Variants in SORCS3 observed in about 807,000 individuals in gnomAD.
The protein encoded by SORCS3 is VPS10 domain-containing receptor SorCS3.
SORCS3 carries 57 observed loss-of-function variants against 146.3 expected under a neutral mutation model. The observed-to-expected ratio is 0.39, with a 90% CI of 0.31 to 0.49. The LOEUF is 0.49. Ranked by LOEUF, SORCS3 falls within the 20% of genes least tolerant of loss-of-function variation. The pLI, the probability that SORCS3 is intolerant of heterozygous loss-of-function variation, is 0.92. For synonymous variants in SORCS3, 653 were observed against 618.5 expected (o/e 1.06, Z -0.83); for missense variants, 1,341 against 1,575.5 (o/e 0.85, Z 2.52).
intron 3 of SORCS3, among the ~76,000 whole-genome samples, chr10:104,952,395 T>C (rs965048087): frequency 6.6e-6 from 1 of 151,870 alleles, no homozygotes; most frequent in Non-Finnish European, 1.5e-5. Context: ...CTAAGCGTGT[T>C]AGAAGTGTAG....
chr10:105,221,122 A>G (rs1200466584), intron 19 of SORCS3, among the ~76,000 whole-genome samples: 2 of 152,132 alleles, frequency 1.3e-5, no homozygotes, highest in African/African-American at 4.8e-5. Context: ...ATATATATTT[A>G]TGGGGTACAT....
chr10:105,072,571 T>A (rs1353606700), intron 5 of SORCS3, among the ~76,000 whole-genome samples: 1 of 152,018 alleles, frequency 6.6e-6, no homozygotes, highest in African/African-American at 2.4e-5. Context: ...CATTTTGCCC[T>A]GTTTTCCAGG....
In SORCS3 at chr10:105,119,228, C is replaced by T. The variant is rs186536879; in HGVS notation, c.1212+13713C>T. 1.4e-4 allele frequency among the ~76,000 whole-genome samples: 21 copies of T among 152,268 alleles called. No homozygotes were observed. The East Asian group carries it at 1.5e-3, about 11-fold the overall frequency. On this transcript the variant is annotated intron_variant, in intron 7 of 26. Transcript: ENST00000369701. ...GCAAGTCTCAAGCCTTGGTGGCTAA[C>T]GTGAGATGCTGGCTCTATAGGTGCA... is the stretch of plus-strand genomic sequence containing the variant.
intron 22 of SORCS3, among the ~76,000 whole-genome samples, chr10:105,252,016 G>A (rs1258976265): frequency 6.6e-6 from 1 of 152,128 alleles, no homozygotes; most frequent in Admixed American, 6.5e-5. Flanking sequence ...TGGCATAATA[G>A]TCTATCAGGT....
chr10:105,182,406 ATG>A (rs1006856829), intron 14 of SORCS3, among the ~76,000 whole-genome samples: 13 of 152,118 alleles, frequency 8.5e-5, no homozygotes, highest in Middle Eastern at 3.4e-3. Context: ...AGAGCAAGGA[ATG>A]TGAATTTCAA....
chr10:104,990,684 G>A (rs1303737187), intron 4 of SORCS3, among the ~76,000 whole-genome samples: 1 of 152,078 alleles, frequency 6.6e-6, no homozygotes, highest in Non-Finnish European at 1.5e-5. Context: ...TTATCTTGAG[G>A]GACCCAATAT....
intron 1 of SORCS3, among the ~76,000 whole-genome samples, chr10:104,643,709 G>GGGGTGTGTGTGTGTGTGT (rs758845919): frequency 6.9e-6 from 1 of 144,638 alleles, no homozygotes; most frequent in Non-Finnish European, 1.5e-5. Flanking sequence ...TGATAATTAG[G>GGGGTGTGTGTGTGTGTGT]GTGTGTGTGT....
intron 4 of SORCS3, among the ~76,000 whole-genome samples, chr10:105,017,960 G>A (rs1050768436): frequency 1.3e-5 from 2 of 152,088 alleles, no homozygotes; most frequent in African/African-American, 2.4e-5. Context: ...TCTTTCTCTG[G>A]ACCTAGTTTC....
intron 1 of SORCS3, among the ~76,000 whole-genome samples, chr10:104,763,039 T>C (rs2017140294): frequency 6.6e-6 from 1 of 152,096 alleles, no homozygotes; most frequent in African/African-American, 2.4e-5. Context: ...CAGCCAGAAG[T>C]GAGAACTGCT....
At chr10:104,940,759 C>T (rs1315356649) in intron 3 of SORCS3, among the ~76,000 whole-genome samples, 2 of 152,096 alleles carry the variant, frequency 1.3e-5, no homozygotes, top group East Asian at 3.9e-4. Flanking sequence ...AATGGAAGAA[C>T]ATTCCATGCT....
At chr10:105,078,524 GA>G (rs1330101582) in intron 5 of SORCS3, among the ~76,000 whole-genome samples, 9 of 151,668 alleles carry the variant, frequency 5.9e-5, no homozygotes, top group African/African-American at 1.5e-4. Flanking sequence ...TGAAAAAAAA[GA>G]AAAAAAGATT....
intron 1 of SORCS3, among the ~76,000 whole-genome samples, chr10:104,650,795 G>C (rs1334031926): frequency 6.6e-6 from 1 of 152,154 alleles, no homozygotes; most frequent in Non-Finnish European, 1.5e-5. Context: ...CTGCACTCTG[G>C]GACATTGCGG....
Position 105,195,962 on chromosome 10 carries a change from G to T in SORCS3, c.2010-4037G>T, listed in dbSNP as rs550423275. 5.3e-5 allele frequency among the ~76,000 whole-genome samples: 8 copies of T among 152,310 alleles called. No homozygotes were observed. In the South Asian group the frequency reaches 1.7e-3, roughly 32 times the overall value. ...AGTTTACAGTATGGGGAAAGACCTG[G>T]GAAACACAATATAAGAAAATCTGGG... is the stretch of plus-strand genomic sequence containing the variant. On this transcript the variant is annotated intron_variant, in intron 14 of 26. Transcript: ENST00000369701.
chr10:105,010,068 C>A (rs2055124552), intron 4 of SORCS3, among the ~76,000 whole-genome samples: 1 of 152,132 alleles, frequency 6.6e-6, no homozygotes, highest in African/African-American at 2.4e-5. Context: ...TCTGGGGTGG[C>A]AGAAAGAGCA....
chr10:104,732,757 G>C (rs994811415), intron 1 of SORCS3, among the ~76,000 whole-genome samples: 1 of 152,186 alleles, frequency 6.6e-6, no homozygotes, highest in African/African-American at 2.4e-5. Flanking sequence ...ATGGGAAAGG[G>C]GTCTGCCACA....
chr10:104,807,151 C>G lies in SORCS3; in HGVS notation c.628-35641C>G, dbSNP rs114068021. Reference sequence around the variant, plus strand: ...TGTTGCTTTTAAGAAATGGTCTGCTCTTTATAATCTCTTCACTAAGCTCCT... The same window carrying G: ...TGTTGCTTTTAAGAAATGGTCTGCTGTTTATAATCTCTTCACTAAGCTCCT... On this transcript the variant is annotated intron_variant, in intron 1 of 26. Transcript: ENST00000369701. Among the ~76,000 whole-genome samples the G allele has an allele frequency of 5.0e-3, 667 of 134,210 alleles. 3 individuals are homozygous for G. The highest frequency in any genetic ancestry group is 0.016 in the African/African-American group (624 of 38,412). The allele number at this position is 134,210 out of a possible 152,430, so 88.0% of individuals were successfully genotyped here. A position where few individuals can be genotyped will look rare whatever the true frequency, so the allele number is the denominator to read the frequency against.
intron 3 of SORCS3, among the ~76,000 whole-genome samples, chr10:104,958,273 A>G (rs575259730): frequency 1.3e-5 from 2 of 152,168 alleles, no homozygotes; most frequent in South Asian, 2.1e-4. Context: ...TGAGTAGCCA[A>G]TTGTCAATAA....
intron 3 of SORCS3, among the ~76,000 whole-genome samples, chr10:104,939,516 C>T (rs1239893248): frequency 1.6e-5 from 2 of 122,800 alleles, no homozygotes; most frequent in Admixed American, 1.5e-4. Context: ...TTATGACAGT[C>T]CTTTTAAGAG....
At chr10:104,786,363 C>A (rs1468517021) in intron 1 of SORCS3, among the ~76,000 whole-genome samples, 2 of 151,262 alleles carry the variant, frequency 1.3e-5, no homozygotes, top group African/African-American at 4.9e-5. Context: ...ACCAACCTGG[C>A]TGACAAAACC....
Sources: gnomAD v4.1 joint callset for allele counts (sites outside exome capture counted in the v4.1 genomes callset) on GRCh38, gnomAD v4.1.1 for gene constraint, MANE v1.5 for transcripts, NCBI Gene and HGNC (gene_info 2026-07-23, HGNC 2026-07-21) for gene names.